Variants in KLHL2 observed in about 807,000 individuals in gnomAD.
KLHL2 encodes kelch-like protein 2.
In KLHL2, 15 loss-of-function variants were observed where a neutral mutation model predicts 75.8. The ratio of observed to expected loss-of-function variants is 0.20; its 90% confidence interval spans 0.13 to 0.30. KLHL2 has a LOEUF of 0.30. Among genes scored for constraint, KLHL2 ranks in the 10% least tolerant of loss-of-function variants. The pLI, the probability that KLHL2 is intolerant of heterozygous loss-of-function variation, is 1.00. For synonymous variants in KLHL2, 214 were observed against 251.9 expected (o/e 0.85, Z 1.42); for missense variants, 381 against 741.0 (o/e 0.51, Z 5.64).
At chr4:165,304,876 C>T (rs527616295) in intron 8 of KLHL2, among the ~76,000 whole-genome samples, 1 of 152,304 alleles carries the variant, frequency 6.6e-6, no homozygotes, top group African/African-American at 2.4e-5. Flanking sequence ...TTATGTATAA[C>T]ACCTAACATA....
intron 5 of KLHL2, among the ~76,000 whole-genome samples, chr4:165,272,796 T>TA (rs1742798764): frequency 6.6e-6 from 1 of 152,150 alleles, no homozygotes; most frequent in African/African-American, 2.4e-5. Flanking sequence ...CTACAAAATA[T>TA]AAAAAATTTT....
chr4:165,274,968 G>A (rs73860621), intron 5 of KLHL2, among the ~76,000 whole-genome samples: 11,413 of 152,182 alleles, frequency 0.075, 899 homozygotes, highest in African/African-American at 0.2. Context: ...ACAGCCTGTC[G>A]CACTGACCAC....
chr4:165,286,456 A>G (rs1224459556), intron 5 of KLHL2, among the ~76,000 whole-genome samples: 5 of 152,158 alleles, frequency 3.3e-5, no homozygotes, highest in African/African-American at 4.8e-5. Context: ...TGGAGAATCA[A>G]AAGGAGGCTG....
In KLHL2 at chr4:165,209,861, G is replaced by C. The variant is rs539809346; in HGVS notation, c.26+1959G>C. 67 of 493,500 alleles carry C rather than the reference G, an allele frequency of 1.4e-4. 2 individuals are homozygous for C. The South Asian group carries it at 1.9e-3, about 14-fold the overall frequency. The allele number at this position is 493,500 out of a possible 1,614,324, so 30.6% of individuals were successfully genotyped here. ...AAACCTAATTCAAGAACTCGTTATG[G>C]TGTTATTTGCCATTCTGTGGATCAG... On this transcript the variant is annotated intron_variant, in intron 1 of 14. Coordinates refer to ENST00000226725, the MANE Select transcript of KLHL2 (RefSeq NM_007246.4).
At chr4:165,259,442 T>G (rs1365463314) in intron 4 of KLHL2, among the ~76,000 whole-genome samples, 1 of 152,206 alleles carries the variant, frequency 6.6e-6, no homozygotes, top group Admixed American at 6.5e-5. Context: ...ATGCAAGAAG[T>G]TTATCTGTAT....
intron 6 of KLHL2, 80 bp from the exon 7 acceptor site, chr4:165,297,529 A>G: frequency 1.2e-6 from 1 of 827,842 alleles, no homozygotes. Flanking sequence ...GTTATATATA[A>G]AATGTAGTCT....
chr4:165,238,102 CA>C (rs1488310782), intron 3 of KLHL2, among the ~76,000 whole-genome samples: 1 of 152,216 alleles, frequency 6.6e-6, no homozygotes, highest in East Asian at 1.9e-4. Flanking sequence ...GAAATGACTT[CA>C]GCGTGAAGTT....
chr4:165,280,919 A>T (rs1395655944), intron 5 of KLHL2, among the ~76,000 whole-genome samples: 1 of 152,352 alleles, frequency 6.6e-6, no homozygotes, highest in Non-Finnish European at 1.5e-5. Flanking sequence ...ACAGAGTATT[A>T]ATGTTATAGG....
At chr4:165,261,975 G>GT (rs1162600034) in intron 4 of KLHL2, among the ~76,000 whole-genome samples, 8 of 152,140 alleles carry the variant, frequency 5.3e-5, no homozygotes, top group Admixed American at 3.9e-4. Context: ...ATAGTTGAAG[G>GT]TTTTTTTGTG....
At chr4:165,284,025 G>A (rs1298520830) in intron 5 of KLHL2, among the ~76,000 whole-genome samples, 6 of 152,246 alleles carry the variant, frequency 3.9e-5, no homozygotes, top group African/African-American at 9.6e-5. Flanking sequence ...ACAGGGCACC[G>A]TGTCCTTAGG....
chr4:165,224,039 C>T (rs138811447), intron 2 of KLHL2: 28,329 of 353,532 alleles, frequency 0.08, 1,186 homozygotes, highest in Middle Eastern at 0.11. Flanking sequence ...CTCAGCCTCC[C>T]GAGTAGCTGG....
chr4:165,219,780 T>A (rs558694216), intron 1 of KLHL2, 154 bp from the exon 2 acceptor site: 1 of 1,363,186 alleles, frequency 7.3e-7, no homozygotes, highest in Non-Finnish European at 9.6e-7. Flanking sequence ...TTCTTAATTG[T>A]CTTAACCTTA....
chr4:165,243,056 G>A (rs1739949774), intron 4 of KLHL2, among the ~76,000 whole-genome samples: 2 of 152,094 alleles, frequency 1.3e-5, no homozygotes, highest in Non-Finnish European at 2.9e-5. Flanking sequence ...AACTAGTATT[G>A]CTTACAAAGA....
chr4:165,264,751 TATATATATATATATAA>T (rs1742093350), intron 5 of KLHL2, among the ~76,000 whole-genome samples: 4 of 74,190 alleles, frequency 5.4e-5, no homozygotes, highest in African/African-American at 2.2e-4. Context: ...TATATATATA[TATATATATATATATAA>T]AACATTATCC....
At position 165,319,041 on chromosome 4, in the gene KLHL2, G is replaced by C. The variant is rs1489250561; in HGVS notation, c.1753+1072G>C. The stretch of plus-strand genomic sequence containing the variant: ...TAGATGGTGTCATTCACAGTCCAGA[G>C]AAATGTGAACAAACCACAAAGATAC... On this transcript the variant is annotated intron_variant, in intron 14 of 14. Coordinates refer to ENST00000226725, the MANE Select transcript of KLHL2 (RefSeq NM_007246.4). This position sits in a 1 kb window ranked among gnomAD's most constrained non-coding sequence, Gnocchi z 4.5. 6.6e-6 allele frequency among the ~76,000 whole-genome samples: 1 copy of C among 152,140 alleles called. No individual in the cohort carries two copies. Among genetic ancestry groups the C allele is most frequent in the East Asian group, 1.9e-4 (1 of 5,196 alleles).
chr4:165,280,013 T>C (rs1428937862), intron 5 of KLHL2, among the ~76,000 whole-genome samples: 1 of 152,214 alleles, frequency 6.6e-6, no homozygotes, highest in Non-Finnish European at 1.5e-5. Context: ...CAGGGTCTGT[T>C]GGACCTTTCT....
intron 6 of KLHL2, among the ~76,000 whole-genome samples, chr4:165,295,215 T>C (rs1225160852): frequency 6.6e-6 from 1 of 152,210 alleles, no homozygotes; most frequent in African/African-American, 2.4e-5. Context: ...GCACAAAAGC[T>C]GTGCTTAGAG....
intron 5 of KLHL2, among the ~76,000 whole-genome samples, chr4:165,275,400 G>T (rs960554614): frequency 3.3e-5 from 5 of 152,102 alleles, no homozygotes; most frequent in Non-Finnish European, 5.9e-5. Flanking sequence ...TCTAGCAAAA[G>T]ACTCTTTGGA....
chr4:165,321,190 T>G (rs996820053), intron 14 of KLHL2: 2 of 452,008 alleles, frequency 4.4e-6, no homozygotes, highest in Non-Finnish European at 8.8e-6. Flanking sequence ...TTCCTTAAAG[T>G]TGCACCAAGT....
Sources: allele counts gnomAD v4.1 joint callset (sites outside exome capture counted in the v4.1 genomes callset), GRCh38; gene constraint gnomAD v4.1.1; non-coding constraint Gnocchi (gnomAD v3.1); transcripts MANE v1.5; gene names NCBI Gene and HGNC (gene_info 2026-07-23, HGNC 2026-07-21).